Variants in KLHL2 observed in about 807,000 individuals in gnomAD.
KLHL2 encodes the protein kelch like family member 2.
KLHL2 carries 15 observed loss-of-function variants against 75.8 expected under a neutral mutation model. That is an observed-to-expected ratio of 0.20 (90% CI 0.13 to 0.30). KLHL2 has a LOEUF of 0.30. Ranked by LOEUF, KLHL2 falls within the 10% of genes least tolerant of loss-of-function variation. The probability of loss-of-function intolerance (pLI) is 1.00; values close to 1 mark genes in which losing one functional copy is unlikely to be tolerated. For synonymous variants in KLHL2, 214 were observed against 251.9 expected, an observed-to-expected ratio of 0.85 and a Z score of 1.42; for missense variants, 381 against 741.0, an observed-to-expected ratio of 0.51 and a Z score of 5.64.
chr4:165,297,250 A>G (rs1003790559), intron 6 of KLHL2, among the ~76,000 whole-genome samples: 2 of 152,176 alleles, frequency 1.3e-5, no homozygotes, highest in African/African-American at 4.8e-5. Context: ...ATATTCTGCT[A>G]TTACAGAGCT....
chr4:165,314,995 G>A (rs184730877), intron 13 of KLHL2, among the ~76,000 whole-genome samples: 2 of 152,242 alleles, frequency 1.3e-5, no homozygotes, highest in African/African-American at 4.8e-5. Flanking sequence ...CTAAGTATGT[G>A]GAACTGCAGA....
At chr4:165,214,617 G>T (rs928230623) in intron 1 of KLHL2, among the ~76,000 whole-genome samples, 5 of 152,082 alleles carry the variant, frequency 3.3e-5, no homozygotes, top group African/African-American at 1.2e-4. Context: ...TCCTGCCAAT[G>T]CTTCCCCACA....
intron 3 of KLHL2, among the ~76,000 whole-genome samples, chr4:165,232,879 T>A (rs1240750404): frequency 3.2e-5 from 2 of 63,260 alleles, no homozygotes; most frequent in African/African-American, 7.4e-5. Context: ...CCTGTTAAGC[T>A]TTTTTTTTTT....
intron 2 of KLHL2, among the ~76,000 whole-genome samples, chr4:165,223,176 C>G (rs551974229): frequency 2.6e-4 from 40 of 152,342 alleles, no homozygotes; most frequent in Admixed American, 1.8e-3. Flanking sequence ...ACCCTGCAGT[C>G]ATATGTAAAC....
chr4:165,261,515 A>G (rs542768615), intron 4 of KLHL2, among the ~76,000 whole-genome samples: 1 of 152,004 alleles, frequency 6.6e-6, no homozygotes, highest in East Asian at 1.9e-4. Context: ...TAATTTTTGT[A>G]TTTTGAGTAG....
chr4:165,274,989 C>T (rs1282573737), intron 5 of KLHL2, among the ~76,000 whole-genome samples: 1 of 152,190 alleles, frequency 6.6e-6, no homozygotes, highest in Non-Finnish European at 1.5e-5. Flanking sequence ...CCTGCTTCTC[C>T]AAGGCGTGGA....
intron 10 of KLHL2, among the ~76,000 whole-genome samples, chr4:165,311,093 G>A (rs1746147759): frequency 1.3e-5 from 2 of 152,042 alleles, no homozygotes; most frequent in Non-Finnish European, 2.9e-5. Context: ...TCCTGACTTT[G>A]TGATCCGCCC....
intron 3 of KLHL2, among the ~76,000 whole-genome samples, chr4:165,233,864 C>T (rs1293842856): frequency 6.6e-6 from 1 of 152,204 alleles, no homozygotes; most frequent in African/African-American, 2.4e-5. Context: ...AAATGCCACT[C>T]AAACTGGTTT....
At chr4:165,229,722 T>C (rs1182059511) in intron 3 of KLHL2, among the ~76,000 whole-genome samples, 3 of 152,216 alleles carry the variant, frequency 2.0e-5, no homozygotes, top group African/African-American at 2.4e-5. Context: ...CACCCTTTAA[T>C]AGGTAATAGT....
chr4:165,232,106 G>GT (rs918188246), intron 3 of KLHL2, among the ~76,000 whole-genome samples: 2 of 151,608 alleles, frequency 1.3e-5, no homozygotes, highest in Non-Finnish European at 2.9e-5. Flanking sequence ...TCTTTGTACT[G>GT]TTTTTTTTCT....
chr4:165,208,881 GCTTCA>G (rs1737018547), intron 1 of KLHL2, among the ~76,000 whole-genome samples: 1 of 152,166 alleles, frequency 6.6e-6, no homozygotes, highest in Non-Finnish European at 1.5e-5. Flanking sequence ...AATTTGGCAA[GCTTCA>G]CTCCATGCCG....
At chr4:165,310,862 T>G (rs1222694523) in intron 10 of KLHL2, 112 bp downstream of exon 10, 40 of 863,200 alleles carry the variant, frequency 4.6e-5, no homozygotes, top group Non-Finnish European at 6.6e-5. Context: ...TGTGTTTTTT[T>G]TTTTTTTTTT....
chr4:165,259,877 G>A (rs995722947), intron 4 of KLHL2, among the ~76,000 whole-genome samples: 6 of 152,062 alleles, frequency 3.9e-5, no homozygotes, highest in South Asian at 2.1e-4. Flanking sequence ...TTAACCCCTC[G>A]AGGGTGTGGT....
At chr4:165,286,877 C>T (rs938959056) in intron 5 of KLHL2, among the ~76,000 whole-genome samples, 1 of 152,096 alleles carries the variant, frequency 6.6e-6, no homozygotes, top group East Asian at 1.9e-4. Flanking sequence ...TATAGCAACA[C>T]TTCCTTTCTC....
At chr4:165,278,932 C>T in intron 5 of KLHL2, 1 of 1,432,854 alleles carries the variant, frequency 7.0e-7, no homozygotes, top group East Asian at 2.3e-5. Flanking sequence ...GGCCATAGAT[C>T]TCAGAAGAAC....
chr4:165,220,257 T>G (rs1181414601), intron 2 of KLHL2, among the ~76,000 whole-genome samples, 198 bp downstream of exon 2: 2 of 152,152 alleles, frequency 1.3e-5, no homozygotes, highest in Non-Finnish European at 2.9e-5. Context: ...CCTCTATTAG[T>G]GTGGTAGCCG....
intron 1 of KLHL2, among the ~76,000 whole-genome samples, chr4:165,212,908 C>G (rs530848118): frequency 2.0e-5 from 3 of 152,172 alleles, no homozygotes; most frequent in Non-Finnish European, 4.4e-5. Flanking sequence ...TATCTTAAGT[C>G]GGGGCTCTAG....
intron 3 of KLHL2, among the ~76,000 whole-genome samples, chr4:165,237,161 T>G (rs927298039): frequency 9.2e-5 from 14 of 152,128 alleles, no homozygotes; most frequent in African/African-American, 2.2e-4. Context: ...GGCTTCAGTT[T>G]ATACAGACTA....
chr4:165,311,059 A>G (rs369573052), intron 10 of KLHL2, among the ~76,000 whole-genome samples: 100 of 151,988 alleles, frequency 6.6e-4, no homozygotes, highest in Middle Eastern at 3.4e-3. Flanking sequence ...GGGTTTCACC[A>G]TGTTAGCCAG....
Sources: allele counts gnomAD v4.1 joint callset (sites outside exome capture counted in the v4.1 genomes callset), GRCh38; gene constraint gnomAD v4.1.1; transcripts MANE v1.5; gene names NCBI Gene and HGNC (gene_info 2026-07-23, HGNC 2026-07-21).